JAZF1: variants seen among roughly 807,000 people sequenced by gnomAD.
The protein encoded by JAZF1 is juxtaposed with another zinc finger protein 1.
JAZF1 carries 8 observed loss-of-function variants against 26.4 expected under a neutral mutation model. The observed-to-expected ratio is 0.30, with a 90% confidence interval of 0.18 to 0.55. The LOEUF (loss-of-function observed/expected upper bound fraction) is 0.55. Ranked by LOEUF, JAZF1 falls within the 20% of genes least tolerant of loss-of-function variation. JAZF1 has a pLI of 0.94. For missense variants in JAZF1, 199 were observed against 322.0 expected (o/e 0.62, Z 2.92); for synonymous variants, 126 against 122.3 (o/e 1.03, Z -0.20).
intron 1 of JAZF1, among the ~76,000 whole-genome samples, chr7:28,006,574 A>G (rs1174149734): frequency 6.6e-6 from 1 of 152,202 alleles, no homozygotes; most frequent in Non-Finnish European, 1.5e-5. Flanking sequence ...TCAATACAAA[A>G]TGAATTGCTT....
chr7:28,162,502 C>G (rs912539008), intron 1 of JAZF1, among the ~76,000 whole-genome samples: 3 of 152,198 alleles, frequency 2.0e-5, no homozygotes, highest in African/African-American at 7.2e-5. Context: ...AACTTTTTGT[C>G]CTAGAGTGAC....
chr7:28,016,741 GAGC>G (rs1782900624), intron 1 of JAZF1, among the ~76,000 whole-genome samples: 2 of 152,042 alleles, frequency 1.3e-5, no homozygotes, highest in African/African-American at 4.8e-5. Context: ...CCTCCCTAAA[GAGC>G]CTGTTGAAGT....
chr7:28,035,229 G>C (rs1221027319), intron 1 of JAZF1, among the ~76,000 whole-genome samples: 1 of 142,166 alleles, frequency 7.0e-6, no homozygotes, highest in Non-Finnish European at 1.5e-5. Context: ...AGGCAGAATT[G>C]CTTGAACCCA....
At chr7:28,113,233 T>TA (rs1451497948) in intron 1 of JAZF1, among the ~76,000 whole-genome samples, 1 of 152,102 alleles carries the variant, frequency 6.6e-6, no homozygotes, top group Non-Finnish European at 1.5e-5. Flanking sequence ...CTACAGTATT[T>TA]AGAGATGGAA....
chr7:27,865,062 T>C (rs940467117), intron 3 of JAZF1, among the ~76,000 whole-genome samples: 1 of 151,814 alleles, frequency 6.6e-6, no homozygotes, highest in Non-Finnish European at 1.5e-5. Flanking sequence ...GAATAGAGAG[T>C]ATCAGAGTAT....
chr7:28,152,264 C>G (rs1002004349), intron 1 of JAZF1, among the ~76,000 whole-genome samples: 24 of 152,170 alleles, frequency 1.6e-4, no homozygotes, highest in African/African-American at 4.8e-4. Context: ...TTGCTCTATA[C>G]GATTTTCCCA....
intron 1 of JAZF1, among the ~76,000 whole-genome samples, chr7:28,087,307 C>T (rs1159156389): frequency 6.6e-6 from 1 of 151,346 alleles, no homozygotes; most frequent in African/African-American, 2.4e-5. Context: ...CTTGGAAGGG[C>T]CCCTTTAGAA....
chr7:27,846,372 C>A (rs917612344), intron 3 of JAZF1: 12 of 281,830 alleles, frequency 4.3e-5, no homozygotes, highest in South Asian at 2.9e-4. Context: ...CATATGTATA[C>A]GTACATGTAC....
intron 1 of JAZF1, among the ~76,000 whole-genome samples, chr7:28,120,523 T>TTTTG: frequency 1.9e-5 from 2 of 103,484 alleles, no homozygotes; most frequent in Non-Finnish European, 3.6e-5. Flanking sequence ...TTTTTTTTTT[T>TTTTG]TTTGAGACAG....
intron 1 of JAZF1, among the ~76,000 whole-genome samples, chr7:28,099,468 C>T (rs1354756436): frequency 1.3e-5 from 2 of 151,078 alleles, no homozygotes. Context: ...CAAGATGGAA[C>T]AGCCTTTTAA....
In JAZF1 at chr7:28,081,184, G is replaced by T. The variant is rs577517066; in HGVS notation, c.116-89203C>A. ...TGGGATGTGACCCAGTCAGGTTAAG[G>T]TTTTGAGACAGGGCTAAGCCCAGTG... On this transcript the variant is annotated intron_variant, in intron 1 of 4. Transcript: ENST00000283928. Among the ~76,000 whole-genome samples, 18 of 152,316 alleles carry T rather than the reference G, an allele frequency of 1.2e-4. No homozygotes were observed. The East Asian group carries it at 3.5e-3, about 29-fold the overall frequency.
intron 2 of JAZF1, among the ~76,000 whole-genome samples, chr7:27,921,260 C>T (rs186099386): frequency 1.1e-4 from 17 of 151,880 alleles, no homozygotes; most frequent in African/African-American, 4.1e-4. Context: ...AGTCTGTTTA[C>T]CAGACTGCAA....
intron 2 of JAZF1, among the ~76,000 whole-genome samples, chr7:27,982,238 G>A (rs1231985316): frequency 6.6e-6 from 1 of 152,212 alleles, no homozygotes; most frequent in Non-Finnish European, 1.5e-5. Context: ...GGAAAATCGG[G>A]ACACTCCCAT....
chr7:27,934,284 T>G (rs1784730011), intron 2 of JAZF1, among the ~76,000 whole-genome samples: 1 of 152,196 alleles, frequency 6.6e-6, no homozygotes, highest in African/African-American at 2.4e-5. Flanking sequence ...TCTACTTTGG[T>G]GAAAGGCTTT....
chr7:28,161,477 T>C (rs951055290), intron 1 of JAZF1, among the ~76,000 whole-genome samples: 7 of 152,164 alleles, frequency 4.6e-5, no homozygotes, highest in Admixed American at 1.3e-4. Context: ...ACTGGCCCTC[T>C]TGCACTCTAC....
chr7:28,156,639 G>C (rs1167359097), intron 1 of JAZF1, among the ~76,000 whole-genome samples: 1 of 152,202 alleles, frequency 6.6e-6, no homozygotes, highest in Non-Finnish European at 1.5e-5. Flanking sequence ...AACACAAATT[G>C]CTGGGTCTCA....
At chr7:28,009,642 C>T (rs1276238099) in intron 1 of JAZF1, among the ~76,000 whole-genome samples, 2 of 152,156 alleles carry the variant, frequency 1.3e-5, no homozygotes, top group African/African-American at 4.8e-5. Flanking sequence ...TGTCACCACG[C>T]CCAGCTAAGT....
chr7:27,901,834 C>T (rs756287113), intron 2 of JAZF1, among the ~76,000 whole-genome samples: 1 of 152,202 alleles, frequency 6.6e-6, no homozygotes, highest in African/African-American at 2.4e-5. Flanking sequence ...ATATGGAATA[C>T]ATCACTGCTA....
rs185774419 is a variant in JAZF1 at position 27,970,609 on chromosome 7, T to A, written c.188+21300A>T. 5.1e-3 allele frequency among the ~76,000 whole-genome samples: 773 copies of A among 152,336 alleles called. 6 individuals are homozygous for A. The highest frequency in any genetic ancestry group is 0.011 in the South Asian group (53 of 4,830). ...TACCTGTAGAAGTCAGATATTTTGA[T>A]ATCACAGTACGATTGTAGCAGATAT... On this transcript the variant is annotated intron_variant, in intron 2 of 4. Coordinates refer to ENST00000283928, the MANE Select transcript of JAZF1 (RefSeq NM_175061.4).
Sources: allele counts gnomAD v4.1 joint callset (sites outside exome capture counted in the v4.1 genomes callset), GRCh38; gene constraint gnomAD v4.1.1; transcripts MANE v1.5; gene names NCBI Gene and HGNC (gene_info 2026-07-23, HGNC 2026-07-21).